Variants in AGMO observed in about 807,000 individuals in gnomAD.
AGMO encodes the protein glyceryl-ether monooxygenase.
Under a neutral mutation model 60.2 loss-of-function variants are expected in AGMO, and 75 were observed. The ratio of observed to expected loss-of-function variants is 1.25; its 90% CI spans 1.03 to 1.51. The LOEUF (loss-of-function observed/expected upper bound fraction) is 1.51. AGMO is among the 40% of genes most tolerant of loss of function. AGMO has a pLI of 0.00. For synonymous variants in AGMO, 261 were observed against 177.1 expected (o/e 1.47, Z -3.76); for missense variants, 763 against 525.5 (o/e 1.45, Z -4.42).
At chr7:15,206,145 C>T (rs1036459810) in intron 12 of AGMO, among the ~76,000 whole-genome samples, 1 of 151,830 alleles carries the variant, frequency 6.6e-6, no homozygotes. Context: ...TTCCTATGAG[C>T]GCAAGAGGAC....
At chr7:15,292,511 G>C (rs945589689) in intron 12 of AGMO, among the ~76,000 whole-genome samples, 4 of 152,124 alleles carry the variant, frequency 2.6e-5, no homozygotes, top group African/African-American at 4.8e-5. Flanking sequence ...AGGACGACTA[G>C]TACTGTGAAC....
intron 12 of AGMO, among the ~76,000 whole-genome samples, chr7:15,211,328 T>C (rs1330058415): frequency 2.0e-5 from 3 of 152,024 alleles, no homozygotes; most frequent in Admixed American, 6.6e-5. Context: ...AGATGTGACA[T>C]AAATTGTAAG....
At chr7:15,318,168 G>T (rs111519419) in intron 12 of AGMO, among the ~76,000 whole-genome samples, 126 of 151,656 alleles carry the variant, frequency 8.3e-4, no homozygotes, top group African/African-American at 2.9e-3. Context: ...ACAATCCCTG[G>T]CTAACTTTTG....
intron 3 of AGMO, among the ~76,000 whole-genome samples, chr7:15,472,719 G>A (rs1782481277): frequency 6.6e-6 from 1 of 151,866 alleles, no homozygotes. Context: ...AAGGAACATT[G>A]TTGTGGTAAT....
At chr7:15,157,513 A>G in the AGMO span, among the ~76,000 whole-genome samples, 9 of 151,986 alleles carry the variant, frequency 5.9e-5, no homozygotes, top group Non-Finnish European at 1.3e-4. Context: ...TCAGCGTCCC[A>G]CTCTCTTTTT....
At chr7:15,179,813 G>A in the AGMO span, among the ~76,000 whole-genome samples, 3 of 152,170 alleles carry the variant, frequency 2.0e-5, no homozygotes, top group Non-Finnish European at 4.4e-5. Flanking sequence ...TTTCCATTCT[G>A]TAAGCTTGCA....
the AGMO span, among the ~76,000 whole-genome samples, chr7:15,177,562 G>C: frequency 2.6e-5 from 4 of 152,128 alleles, no homozygotes; most frequent in African/African-American, 7.2e-5. Context: ...AAAGTAACAG[G>C]ATCACATTTG....
intron 5 of AGMO, among the ~76,000 whole-genome samples, chr7:15,413,220 T>C (rs1365964840): frequency 1.3e-5 from 2 of 152,178 alleles, no homozygotes; most frequent in Non-Finnish European, 2.9e-5. Flanking sequence ...ATGGATTCAA[T>C]AGCAGCTTGG....
chr7:15,442,717 G>A (rs1323438506), intron 3 of AGMO, among the ~76,000 whole-genome samples: 1 of 152,016 alleles, frequency 6.6e-6, no homozygotes, highest in Non-Finnish European at 1.5e-5. Flanking sequence ...GTGAGGACAG[G>A]CACTCCTGCC....
At chr7:15,454,812 G>A (rs918360674) in intron 3 of AGMO, among the ~76,000 whole-genome samples, 4 of 151,936 alleles carry the variant, frequency 2.6e-5, no homozygotes, top group Middle Eastern at 3.2e-3. Flanking sequence ...AATACATATT[G>A]CAGTTTTAAA....
chr7:15,502,306 C>G (rs141408775), intron 3 of AGMO, among the ~76,000 whole-genome samples: 7 of 152,056 alleles, frequency 4.6e-5, no homozygotes, highest in East Asian at 3.9e-4. Context: ...TTCGCTCCCC[C>G]CAAGTCCCCC....
chr7:15,153,549 CT>C, the AGMO span, among the ~76,000 whole-genome samples: 1 of 152,060 alleles, frequency 6.6e-6, no homozygotes, highest in Admixed American at 6.5e-5. Context: ...CAGTTTCATT[CT>C]TCTGCATGTG....
intron 12 of AGMO, among the ~76,000 whole-genome samples, chr7:15,359,458 T>C (rs1385183644): frequency 6.6e-6 from 1 of 152,190 alleles, no homozygotes; most frequent in Admixed American, 6.5e-5. Context: ...ATTTACATTT[T>C]TTAAAATGAA....
chr7:15,333,801 G>C (rs2128545549), intron 12 of AGMO, among the ~76,000 whole-genome samples: 1 of 152,030 alleles, frequency 6.6e-6, no homozygotes, highest in Middle Eastern at 3.4e-3. Flanking sequence ...AAATATCAAA[G>C]AAATGTAGTT....
At chr7:15,367,517 C>T (rs994023014) in intron 10 of AGMO, among the ~76,000 whole-genome samples, 2 of 151,984 alleles carry the variant, frequency 1.3e-5, no homozygotes, top group Non-Finnish European at 2.9e-5. Context: ...TCCATCATTA[C>T]ACAGAAAGTA....
At chr7:15,548,765 T>C (rs865913012) in intron 2 of AGMO, among the ~76,000 whole-genome samples, 14 of 152,126 alleles carry the variant, frequency 9.2e-5, no homozygotes, top group African/African-American at 3.1e-4. Flanking sequence ...CAGGAGAACT[T>C]CCCCAATCTA....
rs1402147323 is a variant in AGMO, at chr7:15,394,146, G to C, written c.643C>G (p.Leu215Val). The C allele has an allele frequency of 9.9e-6, 16 of 1,612,442 alleles. No homozygotes were observed. Among genetic ancestry groups the C allele is most frequent in the South Asian group, 7.7e-5 (7 of 90,994 alleles). Residue 215 changes from leucine (L) to valine (V), a missense_variant, in exon 6 of 13, where the codon CTT becomes GTT. Physicochemically the swap from Leu to Val is conservative, Grantham distance 32. Transcript: ENST00000342526. The part of the protein sequence containing the change: ...INNLGPLELI[L>V]NTPSHHRVHH... ...ACCCTATGATGGCTAGGAGTATTAAGAATCAGTTCCAAAGGACCAAGGTTA... is the reference window on the plus strand; with the variant it reads ...ACCCTATGATGGCTAGGAGTATTAACAATCAGTTCCAAAGGACCAAGGTTA...
chr7:15,328,548 A>C (rs1327937194), intron 12 of AGMO, among the ~76,000 whole-genome samples: 1 of 152,162 alleles, frequency 6.6e-6, no homozygotes, highest in African/African-American at 2.4e-5. Context: ...TGAAAGACCA[A>C]TCTGTTGCTG....
chr7:15,342,862 A>C, intron 12 of AGMO, among the ~76,000 whole-genome samples: 1 of 148,866 alleles, frequency 6.7e-6, no homozygotes, highest in East Asian at 2.0e-4. Flanking sequence ...TAAGTTCATT[A>C]ATTCTCTGGG....
Sources: gnomAD v4.1 joint callset for allele counts (sites outside exome capture counted in the v4.1 genomes callset) on GRCh38, gnomAD v4.1.1 for gene constraint, MANE v1.5 for transcripts, NCBI Gene and HGNC (gene_info 2026-07-23, HGNC 2026-07-21) for gene names.